ADCY9: variants seen among roughly 807,000 people sequenced by gnomAD.
The protein encoded by ADCY9 is adenylate cyclase 9.
Under a neutral mutation model 101.5 loss-of-function variants are expected in ADCY9, and 50 were observed. That is an observed-to-expected ratio of 0.49 (90% CI 0.39 to 0.62). ADCY9 has a LOEUF of 0.62. Ranked by LOEUF, ADCY9 falls within the 20% of genes least tolerant of loss-of-function variation. The pLI is 0.00. For synonymous variants in ADCY9, 905 were observed against 769.3 expected (o/e 1.18, Z -2.92); for missense variants, 1,662 against 1,800.4 (o/e 0.92, Z 1.39).
chr16:4,092,359 G>C (rs1021024040), intron 2 of ADCY9, among the ~76,000 whole-genome samples: 1 of 152,208 alleles, frequency 6.6e-6, no homozygotes, highest in Admixed American at 6.5e-5. Context: ...AATTTCTACA[G>C]TGACTCCTAC....
At chr16:4,075,283 C>A (rs565151279) in intron 2 of ADCY9, among the ~76,000 whole-genome samples, 3 of 152,178 alleles carry the variant, frequency 2.0e-5, no homozygotes, top group African/African-American at 7.2e-5. Context: ...GGATTACAGG[C>A]ATGTGCCACC....
intron 2 of ADCY9, among the ~76,000 whole-genome samples, chr16:4,085,005 G>A (rs2056928530): frequency 6.6e-6 from 1 of 152,060 alleles, no homozygotes; most frequent in Admixed American, 6.6e-5. Context: ...TTACCCATTG[G>A]TGCCTTAGGT....
At chr16:4,061,634 C>T (rs1046241802) in intron 2 of ADCY9, among the ~76,000 whole-genome samples, 1 of 152,020 alleles carries the variant, frequency 6.6e-6, no homozygotes. Flanking sequence ...CCAAAACTAA[C>T]AAGTAGAAAT....
chr16:3,983,158 TC>T, intron 7 of ADCY9, 73 bp downstream of exon 7: 1 of 1,381,698 alleles, frequency 7.2e-7, no homozygotes, highest in Non-Finnish European at 9.7e-7. Flanking sequence ...GTCCAACCGC[TC>T]AGCCATAAGC....
chr16:4,064,045 A>G (rs2056787118), intron 2 of ADCY9, among the ~76,000 whole-genome samples: 2 of 152,198 alleles, frequency 1.3e-5, no homozygotes, highest in Admixed American at 1.3e-4. Flanking sequence ...AATCTTCAGG[A>G]GTCTACAAAA....
chr16:4,006,757 C>T (rs2056369847), intron 3 of ADCY9, among the ~76,000 whole-genome samples: 1 of 152,214 alleles, frequency 6.6e-6, no homozygotes. Context: ...TGATTTCACA[C>T]ACCCAAGGTC....
chr16:4,048,826 C>T (rs1158927209), intron 2 of ADCY9, among the ~76,000 whole-genome samples: 4 of 152,072 alleles, frequency 2.6e-5, no homozygotes, highest in African/African-American at 4.8e-5. Flanking sequence ...CAAGTCCCTC[C>T]TCACAATCCA....
chr16:3,972,865 G>A (rs892233651), intron 10 of ADCY9, among the ~76,000 whole-genome samples: 1 of 151,988 alleles, frequency 6.6e-6, no homozygotes, highest in African/African-American at 2.4e-5. Flanking sequence ...GTGTTCTCTG[G>A]TGAAAATGCA....
intron 2 of ADCY9, among the ~76,000 whole-genome samples, chr16:4,014,448 AT>A (rs2056424501): frequency 6.6e-6 from 1 of 151,730 alleles, no homozygotes. Context: ...CCAAAAAAAA[AT>A]TTTTTTGTTT....
chr16:3,971,363 G>T (rs2141676541), intron 10 of ADCY9, among the ~76,000 whole-genome samples: 1 of 152,288 alleles, frequency 6.6e-6, no homozygotes, highest in South Asian at 2.1e-4. Flanking sequence ...AATCACAGCG[G>T]TGAGAGAGCA....
downstream of ADCY9, among the ~76,000 whole-genome samples, chr16:3,961,182 T>C (rs1209861159): frequency 2.0e-5 from 3 of 152,164 alleles, no homozygotes; most frequent in Non-Finnish European, 4.4e-5. Flanking sequence ...GCGCGGTGGC[T>C]CATGCCTGTA....
chr16:3,997,270 G>A (rs1382919064), intron 3 of ADCY9, among the ~76,000 whole-genome samples: 4 of 152,230 alleles, frequency 2.6e-5, no homozygotes, highest in African/African-American at 4.8e-5. Flanking sequence ...ATGTGTCACC[G>A]TGACAGTCAA....
intron 2 of ADCY9, among the ~76,000 whole-genome samples, chr16:4,103,345 C>T (rs2057055920): frequency 6.6e-6 from 1 of 152,210 alleles, no homozygotes; most frequent in Non-Finnish European, 1.5e-5. Flanking sequence ...AAACTATTTG[C>T]ACAATGACAC....
chr16:4,059,038 T>C (rs1049895121), intron 2 of ADCY9, among the ~76,000 whole-genome samples: 2 of 152,156 alleles, frequency 1.3e-5, no homozygotes, highest in African/African-American at 4.8e-5. Flanking sequence ...ATTTCCATTT[T>C]ATACATTTCT....
intron 3 of ADCY9, among the ~76,000 whole-genome samples, chr16:4,006,059 G>A (rs1348593474): frequency 6.6e-6 from 1 of 152,160 alleles, no homozygotes; most frequent in Non-Finnish European, 1.5e-5. Flanking sequence ...CATGTGCCAA[G>A]AGTACAGGGA....
At chr16:4,103,358 A>G (rs2057056018) in intron 2 of ADCY9, among the ~76,000 whole-genome samples, 1 of 152,250 alleles carries the variant, frequency 6.6e-6, no homozygotes, top group South Asian at 2.1e-4. Flanking sequence ...AATGACACTA[A>G]GACAGCATTT....
chr16:4,066,184 A>G (rs2056800304), intron 2 of ADCY9, among the ~76,000 whole-genome samples: 1 of 152,206 alleles, frequency 6.6e-6, no homozygotes, highest in African/African-American at 2.4e-5. Context: ...CATTATGAAA[A>G]TCCCCAAAAA....
chr16:4,062,858 G>C lies in ADCY9; in HGVS notation c.1693+50892C>G, dbSNP rs1640265978. Among the ~76,000 whole-genome samples the C allele has an allele frequency of 2.0e-5, 3 of 152,266 alleles. No homozygotes were observed. In the South Asian group the frequency reaches 6.2e-4, roughly 32 times the overall value. ...CACAAAATACAATAAAGCAAACACTGACTGAACCAAAGGGAGAAATAGGCA... is the reference window on the plus strand; with the variant it reads ...CACAAAATACAATAAAGCAAACACTCACTGAACCAAAGGGAGAAATAGGCA... On this transcript the variant is annotated intron_variant, in intron 2 of 10. Transcript: ENST00000294016.
intron 2 of ADCY9, among the ~76,000 whole-genome samples, chr16:4,018,967 G>GTGTGTGTGTGTGTGTGTGTGTGTGTTT (rs1178021167): frequency 6.6e-6 from 1 of 151,280 alleles, no homozygotes; most frequent in Non-Finnish European, 1.5e-5. Context: ...GTGTGTGTGT[G>GTGTGTGTGTGTGTGTGTGTGTGTGTTT]TGTTTTGTTT....
Sources: gnomAD v4.1 joint callset for allele counts (sites outside exome capture counted in the v4.1 genomes callset) on GRCh38, gnomAD v4.1.1 for gene constraint, MANE v1.5 for transcripts, NCBI Gene and HGNC (gene_info 2026-07-23, HGNC 2026-07-21) for gene names.